Variants in TCF20 observed in about 807,000 individuals in gnomAD.
TCF20 encodes transcription factor 20, also known as SPRE-binding protein.
TCF20 carries 3 observed loss-of-function variants against 148.6 expected under a neutral mutation model. That is an observed-to-expected ratio of 0.02 (90% CI 0.01 to 0.05). The LOEUF (loss-of-function observed/expected upper bound fraction) is 0.05, where lower values mean the gene tolerates loss of function less well. TCF20 is among the 10% of genes least tolerant of loss of function. The pLI, the probability that TCF20 is intolerant of heterozygous loss-of-function variation, is 1.00. For missense variants in TCF20, 2,350 were observed against 2,429.3 expected, an observed-to-expected ratio of 0.97 and a Z score of 0.69; for synonymous variants, 1,049 against 909.5, an observed-to-expected ratio of 1.15 and a Z score of -2.76.
intron 2 of TCF20, among the ~76,000 whole-genome samples, chr22:42,191,236 A>G (rs1405986302): frequency 1.3e-5 from 2 of 152,196 alleles, no homozygotes; most frequent in Non-Finnish European, 2.9e-5. Context: ...AGGTGTCACT[A>G]ATGATGTTTC....
intron 3 of TCF20, among the ~76,000 whole-genome samples, chr22:42,174,827 A>T: frequency 6.6e-6 from 1 of 151,992 alleles, no homozygotes. Flanking sequence ...CAAGGTCAGG[A>T]GATCGAGACC....
At position 42,213,189 on chromosome 22, in the gene TCF20, C is replaced by T. The variant is rs775188096; in HGVS notation, c.2117G>A (p.Arg706His). 22 of 1,614,054 alleles carry T rather than the reference C, an allele frequency of 1.4e-5. No individual in the cohort carries two copies. Among genetic ancestry groups the T allele is most frequent in the East Asian group, 4.5e-5 (2 of 44,902 alleles). ...CCCGAAACTATCTTTGTAACTATAG[C>T]GCAGACTTCCAGGAGATTTGCTAGG... The part of the protein sequence containing the change: ...TEPSKSPGSL[R>H]YSYKDSFGSA... Residue 706 changes from arginine to histidine, a missense_variant, in exon 2 of 6, where the codon CGC (arginine) becomes CAC (histidine). Physicochemically the swap from Arg to His is conservative, Grantham distance 29. Around this residue, in one of 7 missense-constraint regions of TCF20, gnomAD observed 1,641 missense variants for 1,662.6 expected, o/e 0.99. Coordinates refer to ENST00000677622, the MANE Select transcript of TCF20 (RefSeq NM_001378418.1).
In TCF20 at chr22:42,215,292, C is replaced by T. The variant is rs374039987; in HGVS notation, c.14G>A (p.Arg5Gln). MQSF[R>Q]EQSSYHGNQQ... ...GTTTCCGTGGTAACTGCTTTGCTCC[C>T]GAAAGGACTGCATACTGTTCAGCAG... The change falls in exon 2 of 6, where the codon CGG (arginine) becomes CAG (glutamine). Residue 5 changes from arginine (R) to glutamine (Q), a missense_variant. Coordinates refer to ENST00000677622, the MANE Select transcript of TCF20 (RefSeq NM_001378418.1). 8.1e-6 allele frequency: 13 copies of T among 1,613,272 alleles called. No homozygotes were observed. Among genetic ancestry groups the T allele is most frequent in the East Asian group, 2.2e-5 (1 of 44,888 alleles).
At chr22:42,184,964 G>A (rs1936974865) in intron 2 of TCF20, among the ~76,000 whole-genome samples, 2 of 152,312 alleles carry the variant, frequency 1.3e-5, no homozygotes, top group South Asian at 2.1e-4. Context: ...TCGCTGACTT[G>A]AGGTAGCAAA....
rs941471878 is a variant in TCF20, at chr22:42,213,196, T to C, written c.2110A>G (p.Ser704Gly). 6.2e-7 allele frequency: 1 copy of C among 1,614,088 alleles called. No homozygotes were observed. Among genetic ancestry groups the C allele is most frequent in the Non-Finnish European group, 8.5e-7 (1 of 1,180,044 alleles). ...CTATCTTTGTAACTATAGCGCAGACTTCCAGGAGATTTGCTAGGCTCAGTT... is the reference window on the plus strand; with the variant it reads ...CTATCTTTGTAACTATAGCGCAGACCTCCAGGAGATTTGCTAGGCTCAGTT... ...SRTEPSKSPGSLRYSYKDSFG... is the reference protein window; with the variant it reads ...SRTEPSKSPGGLRYSYKDSFG... Residue 704 changes from serine to glycine, a missense_variant, in exon 2 of 6, where the codon AGT (serine) becomes GGT (glycine). Physicochemically the swap from Ser to Gly is moderately conservative, Grantham distance 56 (BLOSUM62 0). This residue lies in a region of TCF20 where 1,641 missense variants were observed against 1,662.6 expected (regional missense o/e 0.99). Transcript: ENST00000677622.
At chr22:42,179,992 A>AGCCCTGCCTCTGGTACCCCC (rs1435986112) in intron 2 of TCF20, among the ~76,000 whole-genome samples, 1 of 152,184 alleles carries the variant, frequency 6.6e-6, no homozygotes, top group East Asian at 1.9e-4. Context: ...TGGGGTCCCC[A>AGCCCTGCCTCTGGTACCCCC]GCCCTGCCTC....
rs1928110170 is a variant in TCF20 at position 42,338,645 on chromosome 22, A to C, written c.-37+4834T>G. ...GCCTGCTCGGGAAAGGCGGAGGCAG[A>C]CAGCCATGTTGCCAGCTCCTGCGAC... On this transcript the variant is annotated intron_variant, in intron 1 of 1. Transcript: ENST00000515426. The surrounding 1 kb of genome is among the most constrained non-coding windows in gnomAD (Gnocchi z 4.0). Among the ~76,000 whole-genome samples the C allele has an allele frequency of 6.6e-6, 1 of 152,224 alleles. No individual in the cohort carries two copies. Among genetic ancestry groups the C allele is most frequent in the Non-Finnish European group, 1.5e-5 (1 of 68,040 alleles).
intron 1 of TCF20, among the ~76,000 whole-genome samples, chr22:42,321,807 C>T (rs1927737557): frequency 6.6e-6 from 1 of 151,598 alleles, no homozygotes; most frequent in South Asian, 2.1e-4. Context: ...ATTAGCTGGT[C>T]ATGGTGGCAA....
intron 1 of TCF20, among the ~76,000 whole-genome samples, chr22:42,331,773 T>TA (rs1927979753): frequency 6.6e-6 from 1 of 152,240 alleles, no homozygotes; most frequent in African/African-American, 2.4e-5. Flanking sequence ...AGCTGGGCTG[T>TA]AAGCCAGCCC....
At position 42,264,413 on chromosome 22, in the gene TCF20, C is replaced by T. The variant is rs376675006; in HGVS notation, c.-37+5926G>A. Reference sequence around the variant, plus strand: ...TTTTTTAAAAAAAGCAGACAACACTCCTCTTTCTTAGCCTTTACAAGGTAC... The same window carrying T: ...TTTTTTAAAAAAAGCAGACAACACTTCTCTTTCTTAGCCTTTACAAGGTAC... On this transcript the variant is annotated intron_variant, in intron 1 of 5. Coordinates refer to ENST00000677622, the MANE Select transcript of TCF20 (RefSeq NM_001378418.1). Among the ~76,000 whole-genome samples the T allele has an allele frequency of 4.8e-4, 73 of 152,266 alleles. 1 individual carries two copies. Among genetic ancestry groups the T allele is most frequent in the African/African-American group, 1.8e-3 (73 of 41,538 alleles).
At chr22:42,296,110 G>A (rs969832153) in intron 1 of TCF20, among the ~76,000 whole-genome samples, 15 of 152,228 alleles carry the variant, frequency 9.9e-5, no homozygotes, top group African/African-American at 2.2e-4. Flanking sequence ...GAGGACTACC[G>A]AGTGAAGATG....
intron 1 of TCF20, among the ~76,000 whole-genome samples, chr22:42,242,029 C>T (rs1157521641): frequency 1.3e-5 from 2 of 151,550 alleles, no homozygotes; most frequent in African/African-American, 2.4e-5. Context: ...AGTGAAACCC[C>T]GTGTCTACTA....
upstream of TCF20, among the ~76,000 whole-genome samples, chr22:42,270,733 G>C (rs980363911): frequency 7.0e-6 from 1 of 143,448 alleles, no homozygotes; most frequent in Non-Finnish European, 1.6e-5. Flanking sequence ...CGCGCGGCGG[G>C]GCGGGGCGCG....
chr22:42,203,184 A>T (rs1345390826), intron 2 of TCF20, among the ~76,000 whole-genome samples: 1 of 152,058 alleles, frequency 6.6e-6, no homozygotes, highest in East Asian at 1.9e-4. Context: ...TAGGTCATTA[A>T]GACTGGCTAA....
chr22:42,212,101 C>T lies in TCF20; in HGVS notation c.3205G>A (p.Ala1069Thr), dbSNP rs1296955197. 5 of 1,614,136 alleles carry T rather than the reference C, an allele frequency of 3.1e-6. No homozygotes were observed. The highest frequency in any genetic ancestry group is 4.2e-6 in the Non-Finnish European group (5 of 1,180,016). The change falls in exon 2 of 6, where the codon GCT becomes ACT. Residue 1069 changes from alanine (A) to threonine (T), a missense_variant. By Grantham distance (58) the Ala-to-Thr change is moderately conservative (BLOSUM62 0). Around this residue, in one of 7 missense-constraint regions of TCF20, gnomAD observed 1,641 missense variants for 1,662.6 expected, o/e 0.99. Transcript: ENST00000677622. ...LASAYHANTRAHAYGDPNAGL... is the reference protein window; with the variant it reads ...LASAYHANTRTHAYGDPNAGL... Reference sequence around the variant, plus strand: ...GCGTTAGGGTCCCCATAAGCATGAGCCCGAGTATTTGCATGATAAGCAGAG... The same window carrying T: ...GCGTTAGGGTCCCCATAAGCATGAGTCCGAGTATTTGCATGATAAGCAGAG...
intron 1 of TCF20, among the ~76,000 whole-genome samples, chr22:42,226,911 G>A (rs1006180122): frequency 6.6e-6 from 1 of 152,174 alleles, no homozygotes; most frequent in Non-Finnish European, 1.5e-5. Flanking sequence ...GGCTAGTATT[G>A]TAAAGACGTT....
rs975632717 is a variant in TCF20 at position 42,212,540 on chromosome 22, T to C, written c.2766A>G (p.Lys922=). 1.2e-6 allele frequency: 2 copies of C among 1,613,866 alleles called. No individual in the cohort carries two copies. Among genetic ancestry groups the C allele is most frequent in the Non-Finnish European group, 8.5e-7 (1 of 1,179,838 alleles). ...GGLVSMETKL[K]SQSGQIKEED... ...CCTCTTTTATCTGCCCGCTCTGGGATTTCAGCTTGGTTTCCATGGACACCA... is the reference window on the plus strand; with the variant it reads ...CCTCTTTTATCTGCCCGCTCTGGGACTTCAGCTTGGTTTCCATGGACACCA... The change falls in exon 2 of 6, where the codon AAA becomes AAG. Residue 922 remains lysine (K), a synonymous_variant. Transcript: ENST00000677622.
intron 1 of TCF20, among the ~76,000 whole-genome samples, chr22:42,255,931 C>T (rs1925717239): frequency 6.6e-6 from 1 of 152,166 alleles, no homozygotes; most frequent in Admixed American, 6.5e-5. Context: ...CTGACCTTCC[C>T]CTCTGTCATC....
intron 1 of TCF20, among the ~76,000 whole-genome samples, chr22:42,259,059 G>A (rs1925895347): frequency 1.3e-5 from 2 of 152,102 alleles, no homozygotes; most frequent in Non-Finnish European, 2.9e-5. Flanking sequence ...CCACCCAACT[G>A]ACATTTCTCA....
Sources: allele counts gnomAD v4.1 joint callset (sites outside exome capture counted in the v4.1 genomes callset), GRCh38; gene constraint gnomAD v4.1.1; regional missense constraint gnomAD v4.1.1; non-coding constraint Gnocchi (gnomAD v3.1); transcripts MANE v1.5; gene names NCBI Gene and HGNC (gene_info 2026-07-23, HGNC 2026-07-21).